CRACR2A: variants seen among roughly 807,000 people sequenced by gnomAD.
CRACR2A encodes EF-hand calcium-binding domain-containing protein 4B.
In CRACR2A, 79 loss-of-function variants were observed where a neutral mutation model predicts 90.5. That is an observed-to-expected ratio of 0.87 (90% CI 0.73 to 1.05). The LOEUF (loss-of-function observed/expected upper bound fraction) is 1.05. Among genes scored for constraint, CRACR2A ranks in the 50% least tolerant of loss-of-function variants. The pLI, the probability that CRACR2A is intolerant of heterozygous loss-of-function variation, is 0.00. For synonymous variants in CRACR2A, 338 were observed against 356.7 expected, an observed-to-expected ratio of 0.95 and a Z score of 0.59; for missense variants, 823 against 897.2, an observed-to-expected ratio of 0.92 and a Z score of 1.06.
rs1435698954 is a variant in CRACR2A, at chr12:3,711,604, ATCT to A, written c.-37+1630_-37+1632del. On this transcript the variant is annotated intron_variant, in intron 3 of 19. Coordinates refer to ENST00000440314, the MANE Select transcript of CRACR2A (RefSeq NM_001144958.2). The surrounding 1 kb of genome is among the most constrained non-coding windows in gnomAD (Gnocchi z 4.3). Reference sequence around the variant, plus strand: ...CAGTGTACTGTTCAGGATGACTTACATCTTCTTTAAGATTGAGGCCTTCTCTAC... The same window carrying A: ...CAGTGTACTGTTCAGGATGACTTACATCTTTAAGATTGAGGCCTTCTCTAC... Among the ~76,000 whole-genome samples, 2 of 151,688 alleles carry A rather than the reference ATCT, an allele frequency of 1.3e-5. No homozygotes were observed. The highest frequency in any genetic ancestry group is 4.9e-5 in the African/African-American group (2 of 41,196).
intron 10 of CRACR2A, 142 bp downstream of exon 10, chr12:3,654,070 G>T: frequency 1.2e-6 from 1 of 855,468 alleles, no homozygotes; most frequent in Non-Finnish European, 1.8e-6. Flanking sequence ...CTAGAGGAGT[G>T]TTAGAAGAGT....
At chr12:3,744,317 T>G (rs933962895) in intron 1 of CRACR2A, among the ~76,000 whole-genome samples, 1 of 152,234 alleles carries the variant, frequency 6.6e-6, no homozygotes, top group Admixed American at 6.5e-5. Context: ...AAGGCCCCAG[T>G]GAAGAATCCT....
rs778232117 is a variant in CRACR2A, at chr12:3,679,104, G to T, written c.341-6C>A. 6.2e-7 allele frequency: 1 copy of T among 1,610,370 alleles called. No homozygotes were observed. The highest frequency in any genetic ancestry group is 1.7e-5 in the Admixed American group (1 of 59,394). ...CTGGCTGAAGAAGAAGTGACCTGGG[G>T]GGTGCAGGGCACAAGGATCCGAATT... On this transcript the variant is annotated splice_polypyrimidine_tract_variant and splice_region_variant and intron_variant, in intron 5 of 19. Coordinates refer to ENST00000440314, the MANE Select transcript of CRACR2A (RefSeq NM_001144958.2).
Position 3,638,472 on chromosome 12 carries a change from A to G in CRACR2A, c.1272-18T>C. On this transcript the variant is annotated intron_variant, in intron 13 of 19. Transcript: ENST00000440314. The stretch of plus-strand genomic sequence containing the variant: ...CTGACTGGCTACTGGGGCGGGGAAG[A>G]GAGAAGAGTTGGGAGGATTTCACAA... The G allele has an allele frequency of 6.6e-7, 1 of 1,518,714 alleles. No individual in the cohort carries two copies. Among genetic ancestry groups the G allele is most frequent in the Non-Finnish European group, 8.8e-7 (1 of 1,129,960 alleles). The allele number at this position is 1,518,714 out of a possible 1,614,324, so 94.1% of individuals were successfully genotyped here.
At chr12:3,740,201 C>A (rs1591724358) in intron 1 of CRACR2A, among the ~76,000 whole-genome samples, 1 of 151,956 alleles carries the variant, frequency 6.6e-6, no homozygotes, top group South Asian at 2.1e-4. Context: ...TGCTGGAGAG[C>A]CCCCCAGCTT....
intron 1 of CRACR2A, among the ~76,000 whole-genome samples, chr12:3,750,695 G>A (rs1455872886): frequency 6.6e-6 from 1 of 152,192 alleles, no homozygotes; most frequent in Non-Finnish European, 1.5e-5. Context: ...TGTGAACTCA[G>A]TGGGTGATTA....
At chr12:3,675,002 G>A (rs73049103) in intron 6 of CRACR2A, among the ~76,000 whole-genome samples, 22,475 of 152,080 alleles carry the variant, frequency 0.15, 1,840 homozygotes, top group South Asian at 0.26. Flanking sequence ...AATTTAACCT[G>A]ATTATGGAAA....
chr12:3,627,217 G>A (rs980092840), intron 17 of CRACR2A, among the ~76,000 whole-genome samples: 2 of 152,188 alleles, frequency 1.3e-5, no homozygotes, highest in Admixed American at 6.5e-5. Flanking sequence ...ATGAGGGCAG[G>A]GACTGTGTCT....
rs377354651 is a variant in CRACR2A, at chr12:3,619,283, C to T, written c.2022G>A (p.Glu674=). The change falls in exon 18 of 20, where the codon GAG becomes GAA. Residue 674 remains glutamate (E), a synonymous_variant. Transcript: ENST00000440314. ...GCTTGCTCTTTACCGTGGCAAGCTG[C>T]TCTCCGAGGCCCCGGGGGACTTCCC... ...KEREVPRGLG[E]QLATENNLIF... 8.4e-5 allele frequency: 130 copies of T among 1,551,628 alleles called. No individual in the cohort carries two copies. In the African/African-American group the frequency reaches 1.6e-3, roughly 19 times the overall value.
chr12:3,675,235 T>C (rs1302871582), intron 6 of CRACR2A, among the ~76,000 whole-genome samples: 2 of 152,174 alleles, frequency 1.3e-5, no homozygotes, highest in African/African-American at 4.8e-5. Context: ...GGAAGTGATA[T>C]TTGTTAGTGT....
chr12:3,647,131 C>T (rs143738351), intron 11 of CRACR2A, among the ~76,000 whole-genome samples: 2 of 152,220 alleles, frequency 1.3e-5, no homozygotes, highest in Non-Finnish European at 1.5e-5. Context: ...CCCGTCACAC[C>T]CCAGCTGTTG....
intron 11 of CRACR2A, chr12:3,647,930 G>A: frequency 1.0e-6 from 1 of 985,428 alleles, no homozygotes; most frequent in African/African-American, 1.7e-5. Context: ...GGGGAGGGTG[G>A]TGCACATTCC....
At chr12:3,666,380 C>G (rs889167672) in intron 7 of CRACR2A, among the ~76,000 whole-genome samples, 2 of 144,848 alleles carry the variant, frequency 1.4e-5, no homozygotes, top group African/African-American at 5.7e-5. Flanking sequence ...TGCGCGCGCA[C>G]GCGCGCACAC....
At chr12:3,710,194 C>T (rs138456086) in intron 3 of CRACR2A, among the ~76,000 whole-genome samples, 3 of 152,302 alleles carry the variant, frequency 2.0e-5, no homozygotes, top group African/African-American at 4.8e-5. Flanking sequence ...CGTTCACTTC[C>T]TTCCAAAGTA....
intron 3 of CRACR2A, among the ~76,000 whole-genome samples, chr12:3,710,334 A>G (rs530217495): frequency 5.5e-4 from 84 of 152,312 alleles, no homozygotes; most frequent in Middle Eastern, 3.4e-3. Context: ...TCCAGCTAAT[A>G]TAACAAAATA....
At chr12:3,624,514 A>G (rs1944217824) in intron 17 of CRACR2A, among the ~76,000 whole-genome samples, 2 of 152,200 alleles carry the variant, frequency 1.3e-5, no homozygotes, top group Admixed American at 1.3e-4. Flanking sequence ...TTATGATGCC[A>G]CCGTTCCACA....
intron 3 of CRACR2A, among the ~76,000 whole-genome samples, chr12:3,697,414 T>A (rs1029610106): frequency 1.7e-4 from 26 of 152,226 alleles, no homozygotes; most frequent in East Asian, 9.6e-4. Flanking sequence ...ATGGCCTCTA[T>A]ATACATTTTT....
chr12:3,634,123 G>C (rs555290116), intron 14 of CRACR2A, among the ~76,000 whole-genome samples: 2 of 152,158 alleles, frequency 1.3e-5, no homozygotes, highest in Non-Finnish European at 2.9e-5. Context: ...CTTCAAGAGG[G>C]GGCAGGAATT....
rs145041742 is a variant in CRACR2A, at chr12:3,746,352, G to GCT, written c.-387+6661_-387+6662dup. The stretch of plus-strand genomic sequence containing the variant: ...GCCCATCATGAAGAGACACCAGAGA[G>GCT]CTCTCTCTCTCTCTCTCTCTCCCCA... On this transcript the variant is annotated intron_variant, in intron 1 of 19. Transcript: ENST00000440314. The surrounding 1 kb of genome is among the most constrained non-coding windows in gnomAD (Gnocchi z 4.4). Among the ~76,000 whole-genome samples, 141 of 147,108 alleles carry GCT rather than the reference G, an allele frequency of 9.6e-4. 1 individual carries two copies. The highest frequency in any genetic ancestry group is 2.5e-3 in the African/African-American group (99 of 40,148).
Sources: allele counts gnomAD v4.1 joint callset (sites outside exome capture counted in the v4.1 genomes callset), GRCh38; gene constraint gnomAD v4.1.1; non-coding constraint Gnocchi (gnomAD v3.1); transcripts MANE v1.5; gene names NCBI Gene and HGNC (gene_info 2026-07-23, HGNC 2026-07-21).